ZP2: variants seen among roughly 807,000 people sequenced by gnomAD.
ZP2 encodes zona pellucida glycoprotein 2, also known as zona pellucida sperm-binding protein 2.
ZP2 carries 51 observed loss-of-function variants against 84.0 expected under a neutral mutation model. The ratio of observed to expected loss-of-function variants is 0.61; its 90% confidence interval spans 0.49 to 0.77. The LOEUF is 0.77. Among genes scored for constraint, ZP2 ranks in the 30% least tolerant of loss-of-function variants. ZP2 has a pLI of 0.00. For missense variants in ZP2, 909 were observed against 911.9 expected (o/e 1.00, Z 0.04); for synonymous variants, 375 against 330.9 (o/e 1.13, Z -1.45).
Position 21,197,500 on chromosome 16 carries a change from T to C in ZP2, c.2218A>G (p.Arg740Gly). Residue 740 changes from arginine (R) to glycine (G), a missense_variant, in exon 19 of 19, where the codon AGG (arginine) becomes GGG (glycine). Coordinates refer to ENST00000574091, the MANE Select transcript of ZP2 (RefSeq NM_001376232.1). Reference protein sequence around the residue: ...LGFIYYLYEKRTVSNH With the variant: ...LGFIYYLYEKGTVSNH ...CCCATTTAGTGATTTGACACAGTCC[T>C]TTTCTCGTACAGGTAGTAGATGAAG... The C allele has an allele frequency of 6.2e-7, 1 of 1,614,146 alleles. No homozygotes were observed. Among genetic ancestry groups the C allele is most frequent in the Non-Finnish European group, 8.5e-7 (1 of 1,180,012 alleles).
intron 4 of ZP2, among the ~76,000 whole-genome samples, chr16:21,208,241 G>C (rs943634961): frequency 3.9e-5 from 6 of 152,208 alleles, no homozygotes; most frequent in African/African-American, 1.2e-4. Context: ...ACTGCGTTTG[G>C]CCATCCACAG....
At chr16:21,213,262 C>G (rs1047985601), upstream of ZP2, among the ~76,000 whole-genome samples, 1 of 152,206 alleles carries the variant, frequency 6.6e-6, no homozygotes, top group South Asian at 2.1e-4. Flanking sequence ...CCAGGCTGGT[C>G]TCGAACTCCT....
At chr16:21,209,903 A>G (rs1013035071) in intron 3 of ZP2, 178 bp from the exon 4 acceptor site, 1 of 700,636 alleles carries the variant, frequency 1.4e-6, no homozygotes, top group East Asian at 2.7e-5. Flanking sequence ...GAGGCTTCCC[A>G]GAGATGCTGG....
At chr16:21,197,728 G>A (rs1346200888) in intron 18 of ZP2, 38 bp downstream of exon 18, 2 of 1,613,400 alleles carry the variant, frequency 1.2e-6, no homozygotes, top group East Asian at 2.2e-5. Context: ...GCCTTCAACA[G>A]GCTTATTTCA....
At position 21,209,704 on chromosome 16, in the gene ZP2, G is replaced by A. The variant is rs752781489; in HGVS notation, c.257C>T (p.Pro86Leu). The A allele has an allele frequency of 6.7e-5, 108 of 1,613,918 alleles. No individual in the cohort carries two copies. The highest frequency in any genetic ancestry group is 8.2e-5 in the Non-Finnish European group (97 of 1,179,986). Reference sequence around the variant, plus strand: ...TGGGTCCAGGATGTAAGTGCAGTTCGGCATGTCGAGACCAAGAGGATCTGC... The same window carrying A: ...TGGGTCCAGGATGTAAGTGCAGTTCAGCATGTCGAGACCAAGAGGATCTGC... The part of the protein sequence containing the change: ...SVVDPLGLDM[P>L]NCTYILDPEK... The change falls in exon 4 of 19, where the codon CCG becomes CTG. Residue 86 changes from proline (P) to leucine (L), a missense_variant. By Grantham distance (98) the Pro-to-Leu change is moderately conservative. Coordinates refer to ENST00000574091, the MANE Select transcript of ZP2 (RefSeq NM_001376232.1).
Position 21,197,786 on chromosome 16 carries a change from C to T in ZP2, c.2075G>A (p.Gly692Glu), listed in dbSNP as rs561403538. The change falls in exon 18 of 19, where the codon GGG (glycine) becomes GAG (glutamate). Residue 692 changes from glycine to glutamate, a missense_variant. By Grantham distance (98) the Gly-to-Glu change is moderately conservative. Coordinates refer to ENST00000574091, the MANE Select transcript of ZP2 (RefSeq NM_001376232.1). ...SSGEKSRSET[G>E]EEVGSRGAMD... ...CTTACCTCGTGAGCCAACCTCCTCC[C>T]CTGTTTCACTCCTACTCTTCTCCCC... The T allele has an allele frequency of 1.7e-5, 28 of 1,614,214 alleles. No individual in the cohort carries two copies. In the African/African-American group the frequency reaches 3.5e-4, roughly 20 times the overall value.
At chr16:21,199,963 A>G (rs1055293236) in intron 14 of ZP2, 85 bp from the exon 15 acceptor site, 14 of 1,544,554 alleles carry the variant, frequency 9.1e-6, no homozygotes, top group African/African-American at 4.1e-5. Context: ...GTCATACGTA[A>G]TATCTTCAGA....
At chr16:21,213,281 G>T (rs2093281476), upstream of ZP2, among the ~76,000 whole-genome samples, 1 of 152,212 alleles carries the variant, frequency 6.6e-6, no homozygotes. Context: ...CTGGCCTCAA[G>T]TGATCCAACC....
chr16:21,212,518 T>A (rs1457321927), upstream of ZP2, among the ~76,000 whole-genome samples: 1 of 152,256 alleles, frequency 6.6e-6, no homozygotes, highest in African/African-American at 2.4e-5. Flanking sequence ...TGTAATCTGC[T>A]ACTGTCACTT....
chr16:21,212,073 G>A (rs1437290394), upstream of ZP2, among the ~76,000 whole-genome samples: 1 of 151,988 alleles, frequency 6.6e-6, no homozygotes, highest in Non-Finnish European at 1.5e-5. Flanking sequence ...GATTACAGGT[G>A]CACGCCACCA....
intron 13 of ZP2, 73 bp downstream of exon 13, chr16:21,201,633 G>A: frequency 6.2e-7 from 1 of 1,610,004 alleles, no homozygotes; most frequent in Non-Finnish European, 8.5e-7. Flanking sequence ...CATTAGTCTG[G>A]CAGTATCAGG....
rs1249293937 is a variant in ZP2 at position 21,201,988 on chromosome 16, T to G, written c.1323A>C (p.Ile441=). The G allele has an allele frequency of 6.2e-7, 1 of 1,614,000 alleles. No homozygotes were observed. The highest frequency in any genetic ancestry group is 1.7e-5 in the Admixed American group (1 of 59,994). ...GAGGAAAATCCGTCCAGAGAGCATG[T>G]ATTTCGTTTTCATAGACGACTTTAT... is the stretch of plus-strand genomic sequence containing the variant. ...EDDKVVYENE[I]HALWTDFPPS... Residue 441 remains isoleucine, a synonymous_variant, in exon 12 of 19, where the codon ATA becomes ATC. Coordinates refer to ENST00000574091, the MANE Select transcript of ZP2 (RefSeq NM_001376232.1).
chr16:21,198,706 G>GT, intron 17 of ZP2, 73 bp downstream of exon 17: 1 of 1,264,810 alleles, frequency 7.9e-7, no homozygotes, highest in South Asian at 1.2e-5. Context: ...CATAGTATAT[G>GT]TAAGCACTGA....
chr16:21,202,432 C>G (rs1415961350), intron 10 of ZP2, 141 bp from the exon 11 acceptor site: 1 of 686,754 alleles, frequency 1.5e-6, no homozygotes, highest in African/African-American at 1.9e-5. Context: ...ATGAGGGAAC[C>G]TTGATCAGCA....
At chr16:21,207,378 C>T (rs2093254655) in intron 4 of ZP2, among the ~76,000 whole-genome samples, 1 of 152,168 alleles carries the variant, frequency 6.6e-6, no homozygotes, top group African/African-American at 2.4e-5. Context: ...CCTTAGGAAA[C>T]TCAGTCTAAA....
At position 21,206,854 on chromosome 16, in the gene ZP2, T is replaced by C. The variant is rs1234674875; in HGVS notation, c.467A>G (p.Gln156Arg). 1.2e-6 allele frequency: 2 copies of C among 1,614,046 alleles called. No individual in the cohort carries two copies. The highest frequency in any genetic ancestry group is 2.7e-5 in the African/African-American group (2 of 74,944). The change falls in exon 5 of 19, where the codon CAG becomes CGG. Residue 156 changes from glutamine (Q) to arginine (R), a missense_variant. Coordinates refer to ENST00000574091, the MANE Select transcript of ZP2 (RefSeq NM_001376232.1). ...TQGLSASTICQKDFMSFSLPR... is the reference protein window; with the variant it reads ...TQGLSASTICRKDFMSFSLPR... ...TTCACTCACAGACATGAAATCCTTC[T>C]GGCAGATTGTAGATGCTGAAAGCCC...
At position 21,201,954 on chromosome 16, in the gene ZP2, T is replaced by A. The variant is rs950747833; in HGVS notation, c.1357A>T (p.Ile453Leu). ...ALWTDFPPSK[I>L]SRDSEFRMTV... The stretch of plus-strand genomic sequence containing the variant: ...CACCTGAACTCACTGTCTCTAGATA[T>A]TTTGCTTGGAGGAAAATCCGTCCAG... The change falls in exon 12 of 19, where the codon ATA (isoleucine) becomes TTA (leucine). Residue 453 changes from isoleucine to leucine, a missense_variant. Coordinates refer to ENST00000574091, the MANE Select transcript of ZP2 (RefSeq NM_001376232.1). 1.2e-6 allele frequency: 2 copies of A among 1,613,922 alleles called. No homozygotes were observed. The highest frequency in any genetic ancestry group is 1.3e-5 in the African/African-American group (1 of 74,920).
chr16:21,213,673 C>T (rs2093282536), upstream of ZP2, among the ~76,000 whole-genome samples: 1 of 152,082 alleles, frequency 6.6e-6, no homozygotes, highest in Non-Finnish European at 1.5e-5. Flanking sequence ...TCTGTGGTGG[C>T]CAGTGGTTAA....
chr16:21,204,988 A>C (rs575323444), intron 7 of ZP2, among the ~76,000 whole-genome samples: 1 of 152,070 alleles, frequency 6.6e-6, no homozygotes, highest in African/African-American at 2.4e-5. Context: ...TGAGGTAAGG[A>C]TTATGTATTT....
Sources: allele counts gnomAD v4.1 joint callset (sites outside exome capture counted in the v4.1 genomes callset), GRCh38; gene constraint gnomAD v4.1.1; transcripts MANE v1.5; gene names NCBI Gene and HGNC (gene_info 2026-07-23, HGNC 2026-07-21).